CPNE3: variants seen among roughly 807,000 people sequenced by gnomAD.
The protein encoded by CPNE3 is copine-3.
CPNE3 carries 68 observed loss-of-function variants against 63.9 expected under a neutral mutation model. The observed-to-expected ratio is 1.06, with a 90% confidence interval of 0.87 to 1.30. CPNE3 has a LOEUF of 1.30. CPNE3 is among the 50% of genes most tolerant of loss of function. CPNE3 has a pLI of 0.00. For synonymous variants in CPNE3, 219 were observed against 197.5 expected (o/e 1.11, Z -0.91); for missense variants, 665 against 578.1 (o/e 1.15, Z -1.54).
intron 14 of CPNE3, among the ~76,000 whole-genome samples, chr8:86,553,045 G>C (rs1821228943): frequency 7.1e-6 from 1 of 140,678 alleles, no homozygotes; most frequent in African/African-American, 2.6e-5. Context: ...TGTATTTTTA[G>C]TAAAGACAGG....
At chr8:86,557,016 A>G (rs893690610) in intron 16 of CPNE3, among the ~76,000 whole-genome samples, 4 of 152,186 alleles carry the variant, frequency 2.6e-5, no homozygotes, top group Non-Finnish European at 4.4e-5. Context: ...GTCATATTCC[A>G]TGGTATGGAT....
At chr8:86,534,972 T>G (rs1820772361) in intron 6 of CPNE3, among the ~76,000 whole-genome samples, 1 of 152,214 alleles carries the variant, frequency 6.6e-6, no homozygotes, top group Admixed American at 6.5e-5. Context: ...AATGGATTAC[T>G]TCTCATAGAT....
chr8:86,534,388 G>T (rs1820755345), intron 6 of CPNE3, among the ~76,000 whole-genome samples: 1 of 152,184 alleles, frequency 6.6e-6, no homozygotes, highest in African/African-American at 2.4e-5. Context: ...CGGTGTGGTG[G>T]CTCATGCCTG....
chr8:86,523,783 A>T (rs765000965), intron 2 of CPNE3, among the ~76,000 whole-genome samples: 11 of 152,114 alleles, frequency 7.2e-5, no homozygotes, highest in Admixed American at 5.2e-4. Context: ...ACAGGGTTTC[A>T]CCATGTTGGC....
intron 4 of CPNE3, among the ~76,000 whole-genome samples, chr8:86,530,717 C>T (rs1351856393): frequency 1.4e-5 from 2 of 142,728 alleles, no homozygotes; most frequent in African/African-American, 2.6e-5. Context: ...TTGAGATGGA[C>T]TCTCACTCTT....
intron 6 of CPNE3, among the ~76,000 whole-genome samples, chr8:86,535,999 A>G (rs1010471664): frequency 6.6e-6 from 1 of 152,012 alleles, no homozygotes; most frequent in African/African-American, 2.4e-5. Context: ...TTTTTAAAAA[A>G]CCATTTTGAT....
chr8:86,532,884 ACT>A (rs552896455), intron 6 of CPNE3, among the ~76,000 whole-genome samples: 252 of 152,098 alleles, frequency 1.7e-3, no homozygotes, highest in Non-Finnish European at 3.0e-3. Flanking sequence ...AAAAGTGAAA[ACT>A]CTGTGCTTTA....
chr8:86,560,118 C>T lies in CPNE3; in HGVS notation c.*1708C>T, dbSNP rs1821405811. 1 of 152,178 alleles carries T rather than the reference C, an allele frequency of 6.6e-6. No individual in the cohort carries two copies. The highest frequency in any genetic ancestry group is 1.9e-4 in the East Asian group (1 of 5,198). 9.4% of individuals were successfully genotyped at this position (152,178 alleles called of 1,614,324 possible). Reference sequence around the variant, plus strand: ...CTGGGGAAGGCATCTAACTAGTAGCCTGCTACTCCATAGTATGGCTCAATA... The same window carrying T: ...CTGGGGAAGGCATCTAACTAGTAGCTTGCTACTCCATAGTATGGCTCAATA... On this transcript the variant is annotated 3_prime_UTR_variant, in exon 17 of 17. Transcript: ENST00000517490.
At chr8:86,543,715 T>G (rs1820992025) in intron 8 of CPNE3, among the ~76,000 whole-genome samples, 1 of 152,170 alleles carries the variant, frequency 6.6e-6, no homozygotes, top group African/African-American at 2.4e-5. Flanking sequence ...GGCATCATAG[T>G]AACAGGATTC....
At chr8:86,519,590 A>G (rs1007951519) in intron 2 of CPNE3, among the ~76,000 whole-genome samples, 7 of 152,360 alleles carry the variant, frequency 4.6e-5, no homozygotes, top group African/African-American at 1.7e-4. Context: ...TGCTGCATCT[A>G]CTTAATAGAC....
At chr8:86,536,256 T>C (rs1820801623) in intron 6 of CPNE3, among the ~76,000 whole-genome samples, 1 of 148,778 alleles carries the variant, frequency 6.7e-6, no homozygotes, top group Admixed American at 6.8e-5. Context: ...ATGTATGTAT[T>C]TGTATTTATG....
Position 86,518,433 on chromosome 8 carries a change from T to C in CPNE3, c.-11+2934T>C, listed in dbSNP as rs184925021. Among the ~76,000 whole-genome samples, 182 of 152,316 alleles carry C rather than the reference T, an allele frequency of 1.2e-3. 2 individuals carry two copies. The highest frequency in any genetic ancestry group is 4.1e-3 in the African/African-American group (170 of 41,572). On this transcript the variant is annotated intron_variant, in intron 2 of 16. Transcript: ENST00000517490. Reference sequence around the variant, plus strand: ...TGCACAGCTGGCCAGCAGCTTTACTTAGTCCTTATAATGGAAAACTTTTCA... The same window carrying C: ...TGCACAGCTGGCCAGCAGCTTTACTCAGTCCTTATAATGGAAAACTTTTCA...
At chr8:86,547,322 A>G (rs1821074236) in intron 10 of CPNE3, 4 of 171,954 alleles carry the variant, frequency 2.3e-5, no homozygotes, top group Non-Finnish European at 4.9e-5. Flanking sequence ...TTTCAATATA[A>G]AATGTTATGA....
chr8:86,531,271 A>G (rs779754739), intron 5 of CPNE3, 42 bp downstream of exon 5: 13 of 866,776 alleles, frequency 1.5e-5, no homozygotes, highest in African/African-American at 9.9e-5. Flanking sequence ...AAGATTTAGC[A>G]TAACAGGACA....
rs1162727310 is a variant in CPNE3 at position 86,559,935 on chromosome 8, A to T, written c.*1525A>T. 6.6e-6 allele frequency: 1 copy of T among 152,226 alleles called. No individual in the cohort carries two copies. The highest frequency in any genetic ancestry group is 1.5e-5 in the Non-Finnish European group (1 of 68,044). 9.4% of individuals were successfully genotyped at this position (152,226 alleles called of 1,614,324 possible). On this transcript the variant is annotated 3_prime_UTR_variant, in exon 17 of 17. Transcript: ENST00000517490. ...TTCTCTGCAATGCCTCAAGGGAGTG[A>T]GCTCTCAACCACAGATAGCTGTGGC...
rs145366656 is a variant in CPNE3 at position 86,528,567 on chromosome 8, A to G, written c.22A>G (p.Lys8Glu). MAAQCVT[K>E]VALNVSCANL... is the part of the protein sequence containing the mutation. ...AGACATGGCTGCCCAGTGTGTCACA[A>G]AGGTGGCGCTGAATGTTTCCTGTGC... The change falls in exon 3 of 17, where the codon AAG (lysine) becomes GAG (glutamate). Residue 8 changes from lysine to glutamate, a missense_variant. By Grantham distance (56) the Lys-to-Glu change is moderately conservative. Coordinates refer to ENST00000517490, the MANE Select transcript of CPNE3 (RefSeq NM_003909.5). 6.2e-7 allele frequency: 1 copy of G among 1,614,000 alleles called. No homozygotes were observed. Among genetic ancestry groups the G allele is most frequent in the Non-Finnish European group, 8.5e-7 (1 of 1,179,972 alleles).
intron 11 of CPNE3, 113 bp from the exon 12 acceptor site, chr8:86,548,188 G>A: frequency 9.2e-7 from 1 of 1,084,368 alleles, no homozygotes; most frequent in Non-Finnish European, 1.3e-6. Context: ...GCATTTGTTA[G>A]GAAGTAGGCG....
chr8:86,515,348 T>C (rs1160250561), intron 1 of CPNE3, 114 bp from the exon 2 acceptor site: 1 of 152,232 alleles, frequency 6.6e-6, no homozygotes, highest in Non-Finnish European at 1.5e-5. Context: ...GGATTGAATA[T>C]TGTGACTTGA....
chr8:86,526,091 C>T (rs907881545), intron 2 of CPNE3, among the ~76,000 whole-genome samples: 7 of 152,026 alleles, frequency 4.6e-5, no homozygotes, highest in East Asian at 1.9e-4. Flanking sequence ...TTCAACCGGG[C>T]GGTGGCGGGC....
Sources: gnomAD v4.1 joint callset for allele counts (sites outside exome capture counted in the v4.1 genomes callset) on GRCh38, gnomAD v4.1.1 for gene constraint, MANE v1.5 for transcripts, NCBI Gene and HGNC (gene_info 2026-07-23, HGNC 2026-07-21) for gene names.